MTMR3: variants seen among roughly 807,000 people sequenced by gnomAD.
MTMR3 encodes myotubularin related protein 3.
A neutral mutation model predicts 132.4 loss-of-function variants in MTMR3; 32 were observed. That is an observed-to-expected ratio of 0.24 (90% CI 0.18 to 0.32). The LOEUF is 0.32. Ranked by LOEUF, MTMR3 falls within the 10% of genes least tolerant of loss-of-function variation. The pLI is 1.00. For missense variants in MTMR3, 1,216 were observed against 1,489.6 expected (o/e 0.82, Z 3.02); for synonymous variants, 556 against 550.3 (o/e 1.01, Z -0.14).
chr22:29,903,068 C>T (rs946183195), intron 1 of MTMR3, among the ~76,000 whole-genome samples: 1 of 152,042 alleles, frequency 6.6e-6, no homozygotes, highest in African/African-American at 2.4e-5. Flanking sequence ...CTACTAAAAA[C>T]ACAAAAATTA....
chr22:29,929,061 C>A (rs9614108), intron 1 of MTMR3, among the ~76,000 whole-genome samples: 24,415 of 151,980 alleles, frequency 0.16, 2,064 homozygotes, highest in South Asian at 0.24. Context: ...AGGTGGATCA[C>A]CTGAGGTCAG....
chr22:30,000,487 AAT>A (rs1555915157), intron 8 of MTMR3: 1 of 151,566 alleles, frequency 6.6e-6, no homozygotes, highest in African/African-American at 2.4e-5. Context: ...AAAAAAAAAA[AAT>A]ATATATATCC....
At chr22:29,892,063 T>C (rs948984625) in intron 1 of MTMR3, among the ~76,000 whole-genome samples, 1 of 151,574 alleles carries the variant, frequency 6.6e-6, no homozygotes, top group Non-Finnish European at 1.5e-5. Flanking sequence ...TGAGGAAGGA[T>C]AATCTCTTGA....
chr22:30,007,901 A>G lies in MTMR3; in HGVS notation c.878A>G (p.Asp293Gly). The change falls in exon 11 of 20, where the codon GAT becomes GGT. Residue 293 changes from aspartate to glycine, a missense_variant and splice_region_variant. By Grantham distance (94) the Asp-to-Gly change is moderately conservative (BLOSUM62 -1). Coordinates refer to ENST00000401950, the MANE Select transcript of MTMR3 (RefSeq NM_021090.4). ...ATGCCCTCTCCCTCTGTGTCCCTAG[A>G]TTCTTCTCTGTCAAATGCTTCAGGA... The part of the protein sequence containing the change: ...NGGDLSDVEF[D>G]SSLSNASGAE... 1 of 1,613,526 alleles carries G rather than the reference A, an allele frequency of 6.2e-7. No homozygotes were observed. Among genetic ancestry groups the G allele is most frequent in the Non-Finnish European group, 8.5e-7 (1 of 1,179,880 alleles).
chr22:29,973,634 T>G (rs111261660), intron 3 of MTMR3, among the ~76,000 whole-genome samples: 2,515 of 152,176 alleles, frequency 0.017, 68 homozygotes, highest in African/African-American at 0.058. Flanking sequence ...AGTTTCACTC[T>G]TGTTGCCCAG....
In MTMR3 at chr22:30,018,026, C is replaced by A. The variant is rs1311809942; in HGVS notation, c.1774C>A (p.Pro592Thr). ...CACCCCTGTGGACGACAGCTGTGCA[C>A]CATACCCAGCCCCAGGCACCAGCCC... ...PTTPVDDSCA[P>T]YPAPGTSPDD... The change falls in exon 16 of 20, where the codon CCA (proline) becomes ACA (threonine). Residue 592 changes from proline to threonine, a missense_variant. By Grantham distance (38) the Pro-to-Thr change is conservative (BLOSUM62 -1). This residue lies in a region of MTMR3 where 852 missense variants were observed against 852.0 expected (regional missense o/e 1.00). Transcript: ENST00000401950. 6 of 1,613,260 alleles carry A rather than the reference C, an allele frequency of 3.7e-6. No individual in the cohort carries two copies. The highest frequency in any genetic ancestry group is 5.1e-6 in the Non-Finnish European group (6 of 1,179,848).
At chr22:29,968,757 G>A (rs1208995986) in intron 2 of MTMR3, among the ~76,000 whole-genome samples, 1 of 152,188 alleles carries the variant, frequency 6.6e-6, no homozygotes, top group African/African-American at 2.4e-5. Context: ...AGTGCATGGA[G>A]TGTAGAAAAT....
intron 2 of MTMR3, among the ~76,000 whole-genome samples, chr22:29,967,353 T>TC (rs2066448247): frequency 1.3e-5 from 2 of 151,776 alleles, no homozygotes; most frequent in Admixed American, 1.3e-4. Flanking sequence ...TCCTTCCACA[T>TC]CAGCCTCCCA....
intron 2 of MTMR3, among the ~76,000 whole-genome samples, chr22:29,963,980 A>G (rs543036039): frequency 6.6e-6 from 1 of 152,308 alleles, no homozygotes; most frequent in South Asian, 2.1e-4. Flanking sequence ...TTTCTTGGAT[A>G]TATACCTAGG....
At chr22:29,904,735 A>C (rs553328574) in intron 1 of MTMR3, among the ~76,000 whole-genome samples, 1 of 152,332 alleles carries the variant, frequency 6.6e-6, no homozygotes, top group South Asian at 2.1e-4. Context: ...AAGAAGCAAA[A>C]ATATTCAAAG....
intron 1 of MTMR3, among the ~76,000 whole-genome samples, chr22:29,934,286 G>A (rs565739769): frequency 5.3e-4 from 81 of 152,226 alleles, no homozygotes; most frequent in African/African-American, 1.9e-3. Flanking sequence ...CCTGGGAGGC[G>A]GGGCTTGCAG....
chr22:29,977,369 C>T (rs1055118022), intron 3 of MTMR3, among the ~76,000 whole-genome samples: 2 of 152,172 alleles, frequency 1.3e-5, no homozygotes, highest in Non-Finnish European at 2.9e-5. Flanking sequence ...TCTCTCATGT[C>T]TTCCTATACC....
At chr22:29,893,385 T>G (rs1311819105) in intron 1 of MTMR3, among the ~76,000 whole-genome samples, 1 of 152,212 alleles carries the variant, frequency 6.6e-6, no homozygotes, top group Non-Finnish European at 1.5e-5. Flanking sequence ...ATGTATGTAT[T>G]TGTTTATTTA....
chr22:29,962,033 T>A (rs180749112), intron 2 of MTMR3, among the ~76,000 whole-genome samples: 1 of 152,356 alleles, frequency 6.6e-6, no homozygotes, highest in African/African-American at 2.4e-5. Flanking sequence ...CTCTGTGATG[T>A]TTGCACAACA....
intron 1 of MTMR3, among the ~76,000 whole-genome samples, chr22:29,928,599 T>C (rs2065574258): frequency 6.6e-6 from 1 of 152,200 alleles, no homozygotes; most frequent in South Asian, 2.1e-4. Flanking sequence ...TATATATTTT[T>C]CCCCAATTGA....
chr22:29,889,666 G>GT (rs930730681), intron 1 of MTMR3, among the ~76,000 whole-genome samples: 22 of 151,146 alleles, frequency 1.5e-4, no homozygotes, highest in African/African-American at 3.9e-4. Flanking sequence ...TGGTATTTTT[G>GT]TTTTTTTTCT....
At chr22:29,902,431 G>T (rs564805304) in intron 1 of MTMR3, among the ~76,000 whole-genome samples, 1 of 141,940 alleles carries the variant, frequency 7.0e-6, no homozygotes, top group South Asian at 2.2e-4. Context: ...TTTTTGAGAC[G>T]GAGTCTCGCT....
At position 29,912,355 on chromosome 22, in the gene MTMR3, T is replaced by C. The variant is rs527351695; in HGVS notation, c.-138+28996T>C. 6.6e-5 allele frequency among the ~76,000 whole-genome samples: 10 copies of C among 152,310 alleles called. No individual in the cohort carries two copies. In the South Asian group the frequency reaches 2.1e-3, roughly 32 times the overall value. Reference sequence around the variant, plus strand: ...CCCAGGCTGGAGTGCAGTGGCATGATCATAGCACACTGCTGCCTCAAACTC... The same window carrying C: ...CCCAGGCTGGAGTGCAGTGGCATGACCATAGCACACTGCTGCCTCAAACTC... On this transcript the variant is annotated intron_variant, in intron 1 of 19. Coordinates refer to ENST00000401950, the MANE Select transcript of MTMR3 (RefSeq NM_021090.4).
chr22:29,955,280 C>T (rs936143156), intron 1 of MTMR3, among the ~76,000 whole-genome samples: 1 of 152,034 alleles, frequency 6.6e-6, no homozygotes, highest in Non-Finnish European at 1.5e-5. Context: ...TCATTGCACC[C>T]GGCCAGACAT....
Sources: allele counts gnomAD v4.1 joint callset (sites outside exome capture counted in the v4.1 genomes callset), GRCh38; gene constraint gnomAD v4.1.1; regional missense constraint gnomAD v4.1.1; transcripts MANE v1.5; gene names NCBI Gene and HGNC (gene_info 2026-07-23, HGNC 2026-07-21).